Variants in ADM2 observed in about 807,000 individuals in gnomAD.
ADM2 encodes protein ADM2.
A neutral mutation model predicts 7.1 loss-of-function variants in ADM2; 5 were observed. The ratio of observed to expected loss-of-function variants is 0.71; its 90% CI spans 0.37 to 1.49. The LOEUF is 1.49. Among genes scored for constraint, ADM2 ranks in the 40% most tolerant of loss-of-function variants. The pLI is 0.03. For synonymous variants in ADM2, 123 were observed against 92.8 expected (o/e 1.33, Z -1.87); for missense variants, 236 against 211.2 (o/e 1.12, Z -0.73).
Position 50,481,702 on chromosome 22 carries a change from GACGCCCGTGCCCAGCTTGCC to G in ADM2, c.-66_-47del. ...CGCGCCCGAGGCCTGCGCCCCGACG[GACGCCCGTGCCCAGCTTGCC>G]ACGCCCACGCCCGGCGCCCCGACCG... On this transcript the variant is annotated 5_prime_UTR_variant, in exon 1 of 3. Transcript: ENST00000395737. 9.9e-6 allele frequency: 4 copies of G among 405,870 alleles called. No individual in the cohort carries two copies. Among genetic ancestry groups the G allele is most frequent in the Non-Finnish European group, 1.2e-5 (3 of 240,894 alleles). 25.1% of individuals were successfully genotyped at this position (405,870 alleles called of 1,614,324 possible). A position where few individuals can be genotyped will look rare whatever the true frequency, so the allele number is the denominator to read the frequency against.
Position 50,482,580 on chromosome 22 carries a change from C to G in ADM2, c.124C>G (p.Arg42Gly), listed in dbSNP as rs537506034. 1.4e-6 allele frequency: 2 copies of G among 1,463,842 alleles called. 1 individual carries two copies. The highest frequency in any genetic ancestry group is 5.3e-5 in the Admixed American group (2 of 37,526). 90.7% of individuals were successfully genotyped at this position (1,463,842 alleles called of 1,614,324 possible). A position where few individuals can be genotyped will look rare whatever the true frequency, so the allele number is the denominator to read the frequency against. The change falls in exon 3 of 3, where the codon CGG becomes GGG. Residue 42 changes from arginine to glycine, a missense_variant. By Grantham distance (125) the Arg-to-Gly change is moderately radical (BLOSUM62 -2). Coordinates refer to ENST00000395737, the MANE Select transcript of ADM2 (RefSeq NM_001253845.2). ...CTGCCTCTGCAGGGAGCCCCCAGCC[C>G]GGAGCCCTTCCAGCAGCCTGCAGCC... is the stretch of plus-strand genomic sequence containing the variant. ...RPVKPREPPA[R>G]SPSSSLQPRH...
rs551463033 is a variant in ADM2 at position 50,484,887 on chromosome 22, C to G, written c.*1984C>G. 7.9e-5 allele frequency: 6 copies of G among 76,288 alleles called. No homozygotes were observed. The highest frequency in any genetic ancestry group is 3.3e-4 in the African/African-American group (6 of 17,924). The allele number at this position is 76,288 out of a possible 1,614,324, so 4.7% of individuals were successfully genotyped here. ...AGCTGCTCTGGCCAAAATCTCCGCT[C>G]GGCCAGGCCCCGTGGCTCACACCTG... On this transcript the variant is annotated 3_prime_UTR_variant, in exon 3 of 3. Transcript: ENST00000395737.
rs939259391 is a variant in ADM2 at position 50,483,191 on chromosome 22, C to A, written c.*288C>A. On this transcript the variant is annotated 3_prime_UTR_variant, in exon 3 of 3. Transcript: ENST00000395737. The stretch of plus-strand genomic sequence containing the variant: ...AGCGCTTCAGAGAGGAGGTGTCTGC[C>A]CAGAGATGTGGAGCAGAAGCTGGGC... The A allele has an allele frequency of 9.5e-6, 6 of 633,152 alleles. No individual in the cohort carries two copies. The highest frequency in any genetic ancestry group is 1.8e-5 in the Non-Finnish European group (6 of 340,918). 39.2% of individuals were successfully genotyped at this position (633,152 alleles called of 1,614,324 possible). A position where few individuals can be genotyped will look rare whatever the true frequency, so the allele number is the denominator to read the frequency against.
chr22:50,482,836 T>G lies in ADM2; in HGVS notation c.380T>G (p.Leu127Arg). 1 of 1,608,304 alleles carries G rather than the reference T, an allele frequency of 6.2e-7. No homozygotes were observed. The highest frequency in any genetic ancestry group is 8.5e-7 in the Non-Finnish European group (1 of 1,179,470). ...AATCTCAGCCACCGCCTGTGGCAAC[T>G]CATGGGACCGGCCGGCCGGCAGGAC... ...VQNLSHRLWQ[L>R]MGPAGRQDSA... is the part of the protein sequence containing the mutation. Residue 127 changes from leucine to arginine, a missense_variant, in exon 3 of 3, where the codon CTC becomes CGC. Coordinates refer to ENST00000395737, the MANE Select transcript of ADM2 (RefSeq NM_001253845.2).
Position 50,481,630 on chromosome 22 carries a change from G to A in ADM2, c.-145G>A, listed in dbSNP as rs967576231. 33 of 222,944 alleles carry A rather than the reference G, an allele frequency of 1.5e-4. No individual in the cohort carries two copies. Among genetic ancestry groups the A allele is most frequent in the African/African-American group, 7.6e-4 (33 of 43,176 alleles). 13.8% of individuals were successfully genotyped at this position (222,944 alleles called of 1,614,324 possible). Reference sequence around the variant, plus strand: ...ACCCCCAACCCGCCCAGCCCGCTCCGCCTTGCGCCCCGGACCCGCGGCCGA... The same window carrying A: ...ACCCCCAACCCGCCCAGCCCGCTCCACCTTGCGCCCCGGACCCGCGGCCGA... On this transcript the variant is annotated 5_prime_UTR_variant, in exon 1 of 3. Coordinates refer to ENST00000395737, the MANE Select transcript of ADM2 (RefSeq NM_001253845.2).
Position 50,485,346 on chromosome 22 carries a change from CA to C in ADM2, c.*2455del, listed in dbSNP as rs35553399. The C allele has an allele frequency of 0.66, 98,164 of 148,238 alleles. 32,600 individuals are homozygous for C. Among genetic ancestry groups the C allele is most frequent in the African/African-American group, 0.71 (28,739 of 40,432 alleles). 9.2% of individuals were successfully genotyped at this position (148,238 alleles called of 1,614,324 possible). On this transcript the variant is annotated 3_prime_UTR_variant, in exon 3 of 3. Transcript: ENST00000395737. The stretch of plus-strand genomic sequence containing the variant: ...TGGATGACAGAGCAAGACTCCGTTT[CA>C]AAAAAAAAAAACCTCCTCTCTTCCT...
intron 2 of ADM2, 123 bp from the exon 3 acceptor site, chr22:50,482,444 G>A (rs2068207615): frequency 7.2e-7 from 1 of 1,387,566 alleles, no homozygotes; most frequent in Non-Finnish European, 9.3e-7. Flanking sequence ...CAGGCTGTGT[G>A]TGGATGGGGG....
chr22:50,481,589 C>A lies in ADM2; in HGVS notation c.-186C>A. 1 of 235,472 alleles carries A rather than the reference C, an allele frequency of 4.2e-6. No homozygotes were observed. Among genetic ancestry groups the A allele is most frequent in the East Asian group, 9.3e-5 (1 of 10,724 alleles). The allele number at this position is 235,472 out of a possible 1,614,324, so 14.6% of individuals were successfully genotyped here. A position where few individuals can be genotyped will look rare whatever the true frequency, so the allele number is the denominator to read the frequency against. ...CTGGAGGTGCCATCCCGGGCCGCGA[C>A]TCCGCTCCAGGCAGGACCCCCAACC... On this transcript the variant is annotated 5_prime_UTR_variant, in exon 1 of 3. Transcript: ENST00000395737.
At position 50,481,875 on chromosome 22, in the gene ADM2, G is replaced by T; in HGVS notation, c.28G>T (p.Gly10Cys). The T allele has an allele frequency of 6.6e-7, 1 of 1,519,270 alleles. No homozygotes were observed. The highest frequency in any genetic ancestry group is 8.8e-7 in the Non-Finnish European group (1 of 1,138,144). 94.1% of individuals were successfully genotyped at this position (1,519,270 alleles called of 1,614,324 possible). ...GGCCCGGATCCCGACGGCCGCCCTG[G>T]GTTGCATCAGCCTCCTCTGCCTGCA... MARIPTAAL[G>C]CISLLCLQLP... is the part of the protein sequence containing the mutation. Residue 10 changes from glycine to cysteine, a missense_variant, in exon 2 of 3, where the codon GGT becomes TGT. Coordinates refer to ENST00000395737, the MANE Select transcript of ADM2 (RefSeq NM_001253845.2).
rs1433608262 is a variant in ADM2 at position 50,483,367 on chromosome 22, C to T, written c.*464C>T. ...ATGCACAACCAGCCCTTCCACGTGCCTGCCTGTGGGACAGGAGGGGGAGCG... is the reference window on the plus strand; with the variant it reads ...ATGCACAACCAGCCCTTCCACGTGCTTGCCTGTGGGACAGGAGGGGGAGCG... On this transcript the variant is annotated 3_prime_UTR_variant, in exon 3 of 3. Transcript: ENST00000395737. 1 of 433,248 alleles carries T rather than the reference C, an allele frequency of 2.3e-6. No individual in the cohort carries two copies. The allele number at this position is 433,248 out of a possible 1,614,324, so 26.8% of individuals were successfully genotyped here. A position where few individuals can be genotyped will look rare whatever the true frequency, so the allele number is the denominator to read the frequency against.
chr22:50,485,169 C>CAA lies in ADM2; in HGVS notation c.*2276_*2277dup, dbSNP rs35540033. ...GGGCAACAAGAGCAAAATTCTGCCT[C>CAA]AAAAAAAAAAATAGTAATAATACAA... On this transcript the variant is annotated 3_prime_UTR_variant, in exon 3 of 3. Transcript: ENST00000395737. 12 of 143,964 alleles carry CAA rather than the reference C, an allele frequency of 8.3e-5. No homozygotes were observed. Among genetic ancestry groups the CAA allele is most frequent in the African/African-American group, 2.8e-4 (11 of 39,088 alleles). The allele number at this position is 143,964 out of a possible 1,614,324, so 8.9% of individuals were successfully genotyped here.
At position 50,481,869 on chromosome 22, in the gene ADM2, G is replaced by A. The variant is rs753033669; in HGVS notation, c.22G>A (p.Ala8Thr). ...CGCCATGGCCCGGATCCCGACGGCC[G>A]CCCTGGGTTGCATCAGCCTCCTCTG... is the stretch of plus-strand genomic sequence containing the variant. The part of the protein sequence containing the change: MARIPTA[A>T]LGCISLLCLQ... Residue 8 changes from alanine to threonine, a missense_variant, in exon 2 of 3, where the codon GCC becomes ACC. Ala to Thr is a moderately conservative substitution (Grantham distance 58, BLOSUM62 0). Transcript: ENST00000395737. 1.4e-5 allele frequency: 21 copies of A among 1,511,282 alleles called. No homozygotes were observed. The highest frequency in any genetic ancestry group is 1.3e-4 in the South Asian group (11 of 81,574). 93.6% of individuals were successfully genotyped at this position (1,511,282 alleles called of 1,614,324 possible).
chr22:50,481,932 G>A lies in ADM2; in HGVS notation c.85G>A (p.Gly29Arg), dbSNP rs866743554. The change falls in exon 2 of 3, where the codon GGG becomes AGG. Residue 29 changes from glycine (G) to arginine (R), a missense_variant. Coordinates refer to ENST00000395737, the MANE Select transcript of ADM2 (RefSeq NM_001253845.2). ...TGGCTCGCTGTCCCGCAGCCTGGGC[G>A]GGGACCCGCGACCCGTCAAACCCAG... is the stretch of plus-strand genomic sequence containing the variant. ...LPGSLSRSLG[G>R]DPRPVKPREP... is the part of the protein sequence containing the mutation. 1 of 1,536,178 alleles carries A rather than the reference G, an allele frequency of 6.5e-7. No individual in the cohort carries two copies. Among genetic ancestry groups the A allele is most frequent in the Non-Finnish European group, 8.8e-7 (1 of 1,142,830 alleles).
At chr22:50,482,113 A>G (rs2068203299) in intron 2 of ADM2, among the ~76,000 whole-genome samples, 156 bp downstream of exon 2, 1 of 152,182 alleles carries the variant, frequency 6.6e-6, no homozygotes, top group South Asian at 2.1e-4. Flanking sequence ...GCGCCTGAGC[A>G]GGGCCAGAGG....
At position 50,486,124 on chromosome 22, in the gene ADM2, C is replaced by G. The variant is rs1284825672; in HGVS notation, c.*3221C>G. 1.3e-5 allele frequency: 2 copies of G among 152,382 alleles called. No individual in the cohort carries two copies. Among genetic ancestry groups the G allele is most frequent in the East Asian group, 3.8e-4 (2 of 5,204 alleles). 9.4% of individuals were successfully genotyped at this position (152,382 alleles called of 1,614,324 possible). A position where few individuals can be genotyped will look rare whatever the true frequency, so the allele number is the denominator to read the frequency against. ...AGTCCTTTCCTCGACGAGGCCTGAC[C>G]CCATCCCCATCCTCGCTGGGCCCGC... On this transcript the variant is annotated 3_prime_UTR_variant, in exon 3 of 3. Coordinates refer to ENST00000395737, the MANE Select transcript of ADM2 (RefSeq NM_001253845.2).
chr22:50,481,993 C>T, intron 2 of ADM2, 36 bp downstream of exon 2: 4 of 1,512,146 alleles, frequency 2.6e-6, no homozygotes, highest in Non-Finnish European at 2.7e-6. Context: ...ACCCCTCTGG[C>T]CCCCGCAGGG....
At position 50,486,067 on chromosome 22, in the gene ADM2, C is replaced by T. The variant is rs1012676917; in HGVS notation, c.*3164C>T. The stretch of plus-strand genomic sequence containing the variant: ...GGCCCCTCTCCCAGAGCCTGACACA[C>T]TCTGTGGCCGAACTCTAGGCAGGTG... On this transcript the variant is annotated 3_prime_UTR_variant, in exon 3 of 3. Transcript: ENST00000395737. The T allele has an allele frequency of 6.6e-6, 1 of 152,258 alleles. No individual in the cohort carries two copies. Among genetic ancestry groups the T allele is most frequent in the Non-Finnish European group, 1.5e-5 (1 of 68,076 alleles). 9.4% of individuals were successfully genotyped at this position (152,258 alleles called of 1,614,324 possible). A position where few individuals can be genotyped will look rare whatever the true frequency, so the allele number is the denominator to read the frequency against.
At chr22:50,482,169 C>A (rs998948520) in intron 2 of ADM2, among the ~76,000 whole-genome samples, 2 of 152,210 alleles carry the variant, frequency 1.3e-5, no homozygotes, top group African/African-American at 4.8e-5. Context: ...CTCCTCCCCA[C>A]ACACATGGGC....
At position 50,483,064 on chromosome 22, in the gene ADM2, G is replaced by T; in HGVS notation, c.*161G>T. ...GCTTTGCACACGTAAACCTAGGCTGGTCTACACGCAGTGCTGGTACGTCAA... is the reference window on the plus strand; with the variant it reads ...GCTTTGCACACGTAAACCTAGGCTGTTCTACACGCAGTGCTGGTACGTCAA... On this transcript the variant is annotated 3_prime_UTR_variant, in exon 3 of 3. Coordinates refer to ENST00000395737, the MANE Select transcript of ADM2 (RefSeq NM_001253845.2). The T allele has an allele frequency of 1.6e-6, 2 of 1,244,204 alleles. No homozygotes were observed. Among genetic ancestry groups the T allele is most frequent in the Non-Finnish European group, 2.3e-6 (2 of 881,250 alleles). 77.1% of individuals were successfully genotyped at this position (1,244,204 alleles called of 1,614,324 possible).
Sources: allele counts gnomAD v4.1 joint callset (sites outside exome capture counted in the v4.1 genomes callset), GRCh38; gene constraint gnomAD v4.1.1; transcripts MANE v1.5; gene names NCBI Gene and HGNC (gene_info 2026-07-23, HGNC 2026-07-21).